Variants in RGS21 observed in about 807,000 individuals in gnomAD.
RGS21 encodes the protein regulator of G protein signaling 21, also known as regulator of G-protein signalling 21.
RGS21 carries 19 observed loss-of-function variants against 18.7 expected under a neutral mutation model. That is an observed-to-expected ratio of 1.01 (90% CI 0.71 to 1.49). The LOEUF is 1.49. RGS21 is among the 40% of genes most tolerant of loss of function. RGS21 has a pLI of 0.00. For synonymous variants in RGS21, 56 were observed against 57.8 expected (o/e 0.97, Z 0.14); for missense variants, 194 against 176.8 (o/e 1.10, Z -0.55).
At chr1:192,363,373 C>T (rs1424422670) in intron 4 of RGS21, among the ~76,000 whole-genome samples, 1 of 152,122 alleles carries the variant, frequency 6.6e-6, no homozygotes, top group African/African-American at 2.4e-5. Flanking sequence ...TTAGGTTCCT[C>T]TGCTTAACCA....
intron 1 of RGS21, among the ~76,000 whole-genome samples, chr1:192,341,363 G>C (rs1480325358): frequency 6.6e-6 from 1 of 151,998 alleles, no homozygotes; most frequent in Non-Finnish European, 1.5e-5. Flanking sequence ...TTATTACACT[G>C]TGCATAAGTT....
At position 192,366,133 on chromosome 1, in the gene RGS21, A is replaced by C; in HGVS notation, c.*9A>C. On this transcript the variant is annotated 3_prime_UTR_variant, in exon 5 of 5. Transcript: ENST00000417209. The stretch of plus-strand genomic sequence containing the variant: ...GGCTCCCTTTTTTGTGAGGAAGGTA[A>C]AAGTTAACTAATCACTATACTTCAG... 1.4e-6 allele frequency: 2 copies of C among 1,434,112 alleles called. No individual in the cohort carries two copies. Among genetic ancestry groups the C allele is most frequent in the Non-Finnish European group, 1.9e-6 (2 of 1,041,364 alleles). The allele number at this position is 1,434,112 out of a possible 1,614,324, so 88.8% of individuals were successfully genotyped here. A position where few individuals can be genotyped will look rare whatever the true frequency, so the allele number is the denominator to read the frequency against.
intron 4 of RGS21, among the ~76,000 whole-genome samples, chr1:192,364,554 C>A (rs1007706617): frequency 6.6e-6 from 1 of 152,080 alleles, no homozygotes; most frequent in Non-Finnish European, 1.5e-5. Context: ...TTCACTCATG[C>A]AAACAGCAAG....
intron 4 of RGS21, among the ~76,000 whole-genome samples, chr1:192,353,495 A>G (rs946954805): frequency 5.9e-5 from 9 of 151,850 alleles, no homozygotes; most frequent in African/African-American, 2.2e-4. Flanking sequence ...AATTAACCCT[A>G]AAGATATCCT....
chr1:192,357,451 G>C (rs4468146), intron 4 of RGS21, among the ~76,000 whole-genome samples: 2,306 of 151,950 alleles, frequency 0.015, 37 homozygotes, highest in South Asian at 0.02. Context: ...AAAGAGAAAA[G>C]GAGAGCTAAA....
chr1:192,351,088 C>G lies in RGS21; in HGVS notation c.89-959C>G, dbSNP rs1484921171. Among the ~76,000 whole-genome samples, 4 of 152,016 alleles carry G rather than the reference C, an allele frequency of 2.6e-5. No homozygotes were observed. In the East Asian group the frequency reaches 7.7e-4, roughly 29 times the overall value. ...AAGTGAGTCCATTGCAGTTTCGGATCTAGAGTTTCTGGAGAAGTACATGCT... is the reference window on the plus strand; with the variant it reads ...AAGTGAGTCCATTGCAGTTTCGGATGTAGAGTTTCTGGAGAAGTACATGCT... On this transcript the variant is annotated intron_variant, in intron 3 of 4. Coordinates refer to ENST00000417209, the MANE Select transcript of RGS21 (RefSeq NM_001039152.3).
intron 1 of RGS21, among the ~76,000 whole-genome samples, chr1:192,337,149 T>A (rs953610766): frequency 6.6e-6 from 1 of 152,066 alleles, no homozygotes; most frequent in African/African-American, 2.4e-5. Flanking sequence ...TAGCTTAAAT[T>A]TGTGTTACTT....
At chr1:192,341,092 T>C (rs1185412711) in intron 1 of RGS21, among the ~76,000 whole-genome samples, 1 of 152,074 alleles carries the variant, frequency 6.6e-6, no homozygotes, top group Admixed American at 6.6e-5. Flanking sequence ...CCTGCCTTTT[T>C]CAGCTTCTAG....
chr1:192,326,423 TA>T (rs1658569411), intron 1 of RGS21, among the ~76,000 whole-genome samples: 2 of 152,196 alleles, frequency 1.3e-5, no homozygotes, highest in Admixed American at 1.3e-4. Flanking sequence ...ATTCCACACC[TA>T]AAAAATATGG....
chr1:192,319,397 T>G (rs1185404775), intron 1 of RGS21, among the ~76,000 whole-genome samples: 2 of 152,188 alleles, frequency 1.3e-5, no homozygotes, highest in Non-Finnish European at 2.9e-5. Context: ...AATTTTCTTC[T>G]GCTGCTATAG....
intron 3 of RGS21, among the ~76,000 whole-genome samples, chr1:192,349,447 T>C (rs1435677578): frequency 1.3e-5 from 2 of 152,210 alleles, no homozygotes; most frequent in East Asian, 3.9e-4. Flanking sequence ...ACTTTGCATG[T>C]ACTAAGCATA....
chr1:192,346,349 C>T lies in RGS21; in HGVS notation c.12-964C>T, dbSNP rs917597748. Among the ~76,000 whole-genome samples the T allele has an allele frequency of 3.9e-5, 6 of 151,960 alleles. 1 individual carries two copies. Among genetic ancestry groups the T allele is most frequent in the Non-Finnish European group, 7.4e-5 (5 of 67,944 alleles). On this transcript the variant is annotated intron_variant, in intron 2 of 4. Coordinates refer to ENST00000417209, the MANE Select transcript of RGS21 (RefSeq NM_001039152.3). ...GTATGTTTAAGATTAGTTATCTTGC[C>T]GTGCAAATACAAAAGTTTTATAAGA...
At chr1:192,338,544 C>T (rs1557977048) in intron 1 of RGS21, among the ~76,000 whole-genome samples, 1 of 152,026 alleles carries the variant, frequency 6.6e-6, no homozygotes, top group Non-Finnish European at 1.5e-5. Flanking sequence ...TTTGCTGTGA[C>T]CTGTGCAAGA....
At chr1:192,359,768 TTC>T (rs527776555) in intron 4 of RGS21, among the ~76,000 whole-genome samples, 35 of 140,092 alleles carry the variant, frequency 2.5e-4, no homozygotes, top group Middle Eastern at 3.7e-3. Context: ...ATATGTAACT[TTC>T]TCTCTCTCTC....
chr1:192,351,888 T>C (rs1046501652), intron 3 of RGS21, among the ~76,000 whole-genome samples, 159 bp from the exon 4 acceptor site: 1 of 150,848 alleles, frequency 6.6e-6, no homozygotes, highest in African/African-American at 2.4e-5. Context: ...AATAAAGTTT[T>C]CTAGAGTTAG....
intron 2 of RGS21, among the ~76,000 whole-genome samples, chr1:192,344,814 C>T (rs573635422): frequency 1.3e-5 from 2 of 152,136 alleles, no homozygotes; most frequent in South Asian, 4.1e-4. Context: ...CCAGGCATTG[C>T]TACACACCAG....
At position 192,331,545 on chromosome 1, in the gene RGS21, C is replaced by A. The variant is rs548923653; in HGVS notation, c.-60-11432C>A. On this transcript the variant is annotated intron_variant, in intron 1 of 4. Coordinates refer to ENST00000417209, the MANE Select transcript of RGS21 (RefSeq NM_001039152.3). Reference sequence around the variant, plus strand: ...CTGGTGACAGAGCAAGACTCCGTCTCTAAATAAATAAATAAATAAATAAAT... The same window carrying A: ...CTGGTGACAGAGCAAGACTCCGTCTATAAATAAATAAATAAATAAATAAAT... Among the ~76,000 whole-genome samples the A allele has an allele frequency of 1.3e-3, 180 of 143,830 alleles. 1 individual carries two copies. Among genetic ancestry groups the A allele is most frequent in the African/African-American group, 4.4e-3 (172 of 38,902 alleles). 94.4% of individuals were successfully genotyped at this position (143,830 alleles called of 152,430 possible).
At chr1:192,353,465 G>C (rs1318634341) in intron 4 of RGS21, among the ~76,000 whole-genome samples, 10 of 151,800 alleles carry the variant, frequency 6.6e-5, no homozygotes, top group Non-Finnish European at 1.3e-4. Context: ...AAGGTTGATT[G>C]ATGTGTCATT....
intron 1 of RGS21, among the ~76,000 whole-genome samples, chr1:192,323,072 A>T (rs149140041): frequency 6.6e-6 from 1 of 152,262 alleles, no homozygotes; most frequent in East Asian, 1.9e-4. Flanking sequence ...TTATTTAAAA[A>T]ATAAGTGTTG....
Sources: allele counts gnomAD v4.1 joint callset (sites outside exome capture counted in the v4.1 genomes callset), GRCh38; gene constraint gnomAD v4.1.1; transcripts MANE v1.5; gene names NCBI Gene and HGNC (gene_info 2026-07-23, HGNC 2026-07-21).